The following SPTSSA variants were observed in gnomAD, a reference collection of about 807,000 sequenced individuals.
SPTSSA encodes the protein small subunit of serine palmitoyltransferase A.
SPTSSA carries 8 observed loss-of-function variants against 9.1 expected under a neutral mutation model. That is an observed-to-expected ratio of 0.88 (90% CI 0.51 to 1.58). The LOEUF (loss-of-function observed/expected upper bound fraction) is 1.58. Ranked by LOEUF, SPTSSA falls within the 40% of genes most tolerant of loss-of-function variation. The pLI is 0.00. For missense variants in SPTSSA, 100 were observed against 93.8 expected, an observed-to-expected ratio of 1.07 and a Z score of -0.27; for synonymous variants, 42 against 37.7, an observed-to-expected ratio of 1.11 and a Z score of -0.41.
intron 1 of SPTSSA, among the ~76,000 whole-genome samples, chr14:34,452,229 G>A (rs1241548100): frequency 2.2e-5 from 3 of 138,338 alleles, no homozygotes; most frequent in Non-Finnish European, 4.5e-5. Flanking sequence ...CTGAGCAACA[G>A]AGTGAGACTC....
intron 1 of SPTSSA, 52 bp downstream of exon 1, chr14:34,462,036 TGCGGCCCC>T: frequency 8.8e-7 from 1 of 1,138,520 alleles, no homozygotes; most frequent in Non-Finnish European, 1.1e-6. Context: ...CCTGGGGAAA[TGCGGCCCC>T]GCGGCCCGCG....
intron 1 of SPTSSA, among the ~76,000 whole-genome samples, chr14:34,446,142 C>A (rs1715613891): frequency 1.3e-5 from 2 of 152,180 alleles, no homozygotes. Context: ...CTGAGAACAT[C>A]AGAGAAAGAC....
intron 1 of SPTSSA, 74 bp downstream of exon 1, chr14:34,462,014 CCAGGCCCG>C (rs1878628393): frequency 9.5e-7 from 1 of 1,055,914 alleles, no homozygotes; most frequent in Admixed American, 4.9e-5. Flanking sequence ...AGCCTCCACC[CCAGGCCCG>C]GGGCCTGGGG....
chr14:34,442,287 A>G (rs1883330334), intron 1 of SPTSSA, among the ~76,000 whole-genome samples: 2 of 152,202 alleles, frequency 1.3e-5, no homozygotes, highest in South Asian at 2.1e-4. Context: ...GGGGAATTAA[A>G]TCTTCTTTTC....
intron 1 of SPTSSA, among the ~76,000 whole-genome samples, chr14:34,459,267 C>T (rs549944101): frequency 4.3e-4 from 63 of 147,012 alleles, no homozygotes; most frequent in Middle Eastern, 3.8e-3. Context: ...ACCACCCCAC[C>T]CCCACCCCAC....
chr14:34,454,435 A>G (rs1455318351), intron 1 of SPTSSA, among the ~76,000 whole-genome samples: 1 of 152,204 alleles, frequency 6.6e-6, no homozygotes, highest in Non-Finnish European at 1.5e-5. Flanking sequence ...TGTTAAGCAC[A>G]GTTTTCATTA....
rs1326258822 is a variant in SPTSSA at position 34,432,942 on chromosome 14, T to A, written c.*2259A>T. On this transcript the variant is annotated 3_prime_UTR_variant, in exon 2 of 2. Coordinates refer to ENST00000298130, the MANE Select transcript of SPTSSA (RefSeq NM_138288.4). ...AACCAAAAAACTTCATGTGACTCACTTTATTGAGATATTCACTTTATTGCA... is the reference window on the plus strand; with the variant it reads ...AACCAAAAAACTTCATGTGACTCACATTATTGAGATATTCACTTTATTGCA... The A allele has an allele frequency of 6.6e-6, 1 of 152,224 alleles. No homozygotes were observed. Among genetic ancestry groups the A allele is most frequent in the Non-Finnish European group, 1.5e-5 (1 of 68,042 alleles). 9.4% of individuals were successfully genotyped at this position (152,224 alleles called of 1,614,324 possible).
At chr14:34,450,738 C>T (rs542841837) in intron 1 of SPTSSA, among the ~76,000 whole-genome samples, 1 of 152,306 alleles carries the variant, frequency 6.6e-6, no homozygotes, top group East Asian at 1.9e-4. Flanking sequence ...AGCCATAGTA[C>T]ATTGCTTGGT....
chr14:34,441,565 A>AT (rs1883316677), intron 1 of SPTSSA, among the ~76,000 whole-genome samples: 1 of 152,116 alleles, frequency 6.6e-6, no homozygotes, highest in African/African-American at 2.4e-5. Context: ...CAGTTAACAT[A>AT]TTTTGGCAAG....
chr14:34,436,250 C>G (rs1420271048), intron 1 of SPTSSA, among the ~76,000 whole-genome samples: 2 of 152,208 alleles, frequency 1.3e-5, no homozygotes, highest in Non-Finnish European at 2.9e-5. Flanking sequence ...AATAACCTTT[C>G]TGTACCATGT....
Position 34,459,179 on chromosome 14 carries a change from CCCA to C in SPTSSA, c.112+2914_112+2916del, listed in dbSNP as rs552387071. Among the ~76,000 whole-genome samples the C allele has an allele frequency of 4.6e-3, 704 of 152,132 alleles. 4 individuals are homozygous for C. Among genetic ancestry groups the C allele is most frequent in the African/African-American group, 0.015 (623 of 41,504 alleles). The stretch of plus-strand genomic sequence containing the variant: ...AGGCGCGGTGGCTCACACCTGTAAT[CCCA>C]GCACTTTTGGGAGGCCAAGGCAGGC... On this transcript the variant is annotated intron_variant, in intron 1 of 1. Transcript: ENST00000298130.
intron 1 of SPTSSA, among the ~76,000 whole-genome samples, chr14:34,451,717 C>CAAAAA (rs35096900): frequency 5.2e-5 from 4 of 77,172 alleles, no homozygotes; most frequent in African/African-American, 8.3e-5. Flanking sequence ...GACTCTGTTT[C>CAAAAA]AAAAAAAAAA....
intron 1 of SPTSSA, among the ~76,000 whole-genome samples, chr14:34,453,006 C>T (rs1224043779): frequency 6.6e-6 from 1 of 151,874 alleles, no homozygotes; most frequent in African/African-American, 2.4e-5. Flanking sequence ...CAAGACCAAC[C>T]CCTCCTCCTC....
chr14:34,451,066 A>T (rs1201850637), intron 1 of SPTSSA, among the ~76,000 whole-genome samples: 7 of 145,216 alleles, frequency 4.8e-5, no homozygotes, highest in Non-Finnish European at 7.6e-5. Context: ...TCAGCAACTT[A>T]AAAAAAAAAA....
chr14:34,457,457 G>C (rs1181070886), intron 1 of SPTSSA, among the ~76,000 whole-genome samples: 2 of 152,130 alleles, frequency 1.3e-5, no homozygotes, highest in African/African-American at 4.8e-5. Context: ...CCTGAGATAA[G>C]GTCAGTGGTT....
chr14:34,443,198 G>GTGT lies in SPTSSA; in HGVS notation c.113-7895_113-7894insACA, dbSNP rs1555314387. On this transcript the variant is annotated intron_variant, in intron 1 of 1. Transcript: ENST00000298130. ...TTTGAGATTGAGTTTTCCTCTAGGG[G>GTGT]GTGTGTGTGTGTGTGTGTGTGTGTG... is the stretch of plus-strand genomic sequence containing the variant. Among the ~76,000 whole-genome samples the GTGT allele has an allele frequency of 3.8e-3, 44 of 11,484 alleles. 8 individuals are homozygous for GTGT. Among genetic ancestry groups the GTGT allele is most frequent in the Non-Finnish European group, 5.2e-3 (34 of 6,524 alleles). The allele number at this position is 11,484 out of a possible 152,430, so 7.5% of individuals were successfully genotyped here.
chr14:34,441,859 A>G (rs1360897078), intron 1 of SPTSSA, among the ~76,000 whole-genome samples: 1 of 149,916 alleles, frequency 6.7e-6, no homozygotes, highest in Non-Finnish European at 1.5e-5. Flanking sequence ...TTTCTTTTTC[A>G]GTCTTTCAGC....
chr14:34,445,400 C>T (rs1433945334), intron 1 of SPTSSA, among the ~76,000 whole-genome samples: 1 of 152,060 alleles, frequency 6.6e-6, no homozygotes, highest in African/African-American at 2.4e-5. Context: ...ACTCAGGAGG[C>T]TGAGGCAGGA....
chr14:34,437,826 G>C (rs1284975899), intron 1 of SPTSSA, among the ~76,000 whole-genome samples: 1 of 151,938 alleles, frequency 6.6e-6, no homozygotes, highest in Admixed American at 6.6e-5. Flanking sequence ...TTTGAGTCAA[G>C]GTCTCACTCT....
Sources: gnomAD v4.1 joint callset for allele counts (sites outside exome capture counted in the v4.1 genomes callset) on GRCh38, gnomAD v4.1.1 for gene constraint, MANE v1.5 for transcripts, NCBI Gene and HGNC (gene_info 2026-07-23, HGNC 2026-07-21) for gene names.